ARFGAP3: variants seen among roughly 807,000 people sequenced by gnomAD.
The protein encoded by ARFGAP3 is ARF GTPase activating protein 3.
ARFGAP3 carries 72 observed loss-of-function variants against 75.0 expected under a neutral mutation model. The ratio of observed to expected loss-of-function variants is 0.96; its 90% CI spans 0.79 to 1.17. ARFGAP3 has a LOEUF of 1.17. ARFGAP3 is among the 50% of genes most tolerant of loss of function. The pLI is 0.00. For synonymous variants in ARFGAP3, 221 were observed against 217.9 expected, an observed-to-expected ratio of 1.01 and a Z score of -0.13; for missense variants, 620 against 626.6, an observed-to-expected ratio of 0.99 and a Z score of 0.11.
intron 12 of ARFGAP3, among the ~76,000 whole-genome samples, chr22:42,809,415 A>T (rs1465284655): frequency 6.6e-6 from 1 of 152,200 alleles, no homozygotes; most frequent in Non-Finnish European, 1.5e-5. Flanking sequence ...AGAATGAATG[A>T]GTCTTCCCCA....
chr22:42,811,512 T>C (rs1013084473), intron 11 of ARFGAP3, among the ~76,000 whole-genome samples: 6 of 152,226 alleles, frequency 3.9e-5, no homozygotes, highest in Admixed American at 1.3e-4. Flanking sequence ...GAGCTTCTTG[T>C]TGGCAATCCC....
intron 1 of ARFGAP3, among the ~76,000 whole-genome samples, chr22:42,849,489 T>C (rs1927174602): frequency 6.6e-6 from 1 of 151,904 alleles, no homozygotes; most frequent in African/African-American, 2.4e-5. Flanking sequence ...TCTTTTTTTT[T>C]TAAGGAGACA....
chr22:42,837,438 G>A (rs1341464048), intron 3 of ARFGAP3, among the ~76,000 whole-genome samples: 2 of 151,934 alleles, frequency 1.3e-5, no homozygotes, highest in Admixed American at 6.6e-5. Flanking sequence ...CTGGCAACAT[G>A]GCAAAACCCT....
At chr22:42,822,496 C>T in intron 8 of ARFGAP3, 87 bp from the exon 9 acceptor site, 1 of 1,490,092 alleles carries the variant, frequency 6.7e-7, no homozygotes. Flanking sequence ...TTAGGACCTG[C>T]CAGGCACTGT....
At chr22:42,829,409 C>A (rs77024298) in intron 6 of ARFGAP3, among the ~76,000 whole-genome samples, 1,609 of 152,278 alleles carry the variant, frequency 0.011, 29 homozygotes, top group African/African-American at 0.036. Context: ...AAAGCAAACA[C>A]AGGCAGAAAA....
At position 42,834,334 on chromosome 22, in the gene ARFGAP3, A is replaced by G; in HGVS notation, c.394-9T>C. 6.2e-7 allele frequency: 1 copy of G among 1,613,248 alleles called. No homozygotes were observed. Among genetic ancestry groups the G allele is most frequent in the Non-Finnish European group, 8.5e-7 (1 of 1,179,802 alleles). On this transcript the variant is annotated splice_polypyrimidine_tract_variant and intron_variant, in intron 4 of 15. Transcript: ENST00000263245. Reference sequence around the variant, plus strand: ...CAACTATCAAGCCACAGCTAGAACAAAAAAACAACACAGGGCTGAGCATTT... The same window carrying G: ...CAACTATCAAGCCACAGCTAGAACAGAAAAACAACACAGGGCTGAGCATTT...
intron 1 of ARFGAP3, among the ~76,000 whole-genome samples, chr22:42,854,568 T>A (rs748114413): frequency 6.6e-6 from 1 of 151,692 alleles, no homozygotes; most frequent in Non-Finnish European, 1.5e-5. Flanking sequence ...GAGGTCGCAG[T>A]GTGCCAAGAT....
chr22:42,834,056 G>C (rs143607330), intron 5 of ARFGAP3, among the ~76,000 whole-genome samples, 186 bp downstream of exon 5: 38 of 152,346 alleles, frequency 2.5e-4, no homozygotes, highest in Non-Finnish European at 4.6e-4. Context: ...AGCAAAGTAA[G>C]TCCATCAGTC....
At chr22:42,810,788 C>T in intron 12 of ARFGAP3, 25 bp downstream of exon 12, 2 of 1,597,438 alleles carry the variant, frequency 1.3e-6, no homozygotes, top group African/African-American at 1.3e-5. Context: ...TTCACTACTA[C>T]AACCCCACAG....
intron 6 of ARFGAP3, among the ~76,000 whole-genome samples, chr22:42,830,963 T>C (rs1209816043): frequency 1.3e-5 from 2 of 152,220 alleles, no homozygotes; most frequent in Non-Finnish European, 2.9e-5. Flanking sequence ...AGTAATATTT[T>C]TCCCCCACTT....
intron 3 of ARFGAP3, among the ~76,000 whole-genome samples, chr22:42,835,976 C>CTTTCTTT: frequency 8.1e-6 from 1 of 123,220 alleles, no homozygotes; most frequent in Non-Finnish European, 1.6e-5. Flanking sequence ...CAATCCATTT[C>CTTTCTTT]TTTCTTTTTT....
chr22:42,839,258 T>C (rs1926674017), intron 3 of ARFGAP3, among the ~76,000 whole-genome samples: 3 of 152,172 alleles, frequency 2.0e-5, no homozygotes, highest in African/African-American at 7.2e-5. Context: ...TTTATGTTTG[T>C]GTTTAGAAAT....
At chr22:42,838,824 A>C (rs2146571142) in intron 3 of ARFGAP3, among the ~76,000 whole-genome samples, 1 of 152,192 alleles carries the variant, frequency 6.6e-6, no homozygotes, top group East Asian at 1.9e-4. Flanking sequence ...GAAAATCCTT[A>C]ATTAGGCCGG....
At chr22:42,844,123 G>A (rs1260545752) in intron 2 of ARFGAP3, among the ~76,000 whole-genome samples, 1 of 152,168 alleles carries the variant, frequency 6.6e-6, no homozygotes, top group Non-Finnish European at 1.5e-5. Context: ...GTATTCTAGA[G>A]GAGAGACTTT....
intron 11 of ARFGAP3, among the ~76,000 whole-genome samples, chr22:42,811,907 T>C (rs1925381324): frequency 6.6e-6 from 1 of 152,168 alleles, no homozygotes; most frequent in Non-Finnish European, 1.5e-5. Context: ...CCAGGCACGG[T>C]GGCTCACACC....
intron 7 of ARFGAP3, among the ~76,000 whole-genome samples, chr22:42,825,532 G>A (rs1925999397): frequency 6.6e-6 from 1 of 151,510 alleles, no homozygotes; most frequent in Non-Finnish European, 1.5e-5. Flanking sequence ...AAAGTTTGCT[G>A]GGCATGGTGG....
intron 15 of ARFGAP3, chr22:42,797,824 C>T (rs942435920): frequency 4.8e-6 from 4 of 840,280 alleles, no homozygotes; most frequent in Admixed American, 6.2e-5. Flanking sequence ...GGATTCACAT[C>T]CTGCCTCTGG....
At chr22:42,831,301 A>G (rs1926274748) in intron 6 of ARFGAP3, among the ~76,000 whole-genome samples, 1 of 151,146 alleles carries the variant, frequency 6.6e-6, no homozygotes, top group African/African-American at 2.4e-5. Flanking sequence ...AAAAAAAAAA[A>G]AAGACAGAAG....
chr22:42,811,964 C>G (rs1925383840), intron 11 of ARFGAP3, among the ~76,000 whole-genome samples: 1 of 152,036 alleles, frequency 6.6e-6, no homozygotes, highest in Non-Finnish European at 1.5e-5. Flanking sequence ...ATTGCTTGAG[C>G]CTGGGAGTTC....
Sources: gnomAD v4.1 joint callset for allele counts (sites outside exome capture counted in the v4.1 genomes callset) on GRCh38, gnomAD v4.1.1 for gene constraint, MANE v1.5 for transcripts, NCBI Gene and HGNC (gene_info 2026-07-23, HGNC 2026-07-21) for gene names.